The following TASP1 variants were observed in gnomAD, a reference collection of about 807,000 sequenced individuals.
The protein encoded by TASP1 is taspase 1.
Under a neutral mutation model 56.6 loss-of-function variants are expected in TASP1, and 16 were observed. The ratio of observed to expected loss-of-function variants is 0.28; its 90% CI spans 0.19 to 0.43. TASP1 has a LOEUF of 0.43. Ranked by LOEUF, TASP1 falls within the 20% of genes least tolerant of loss-of-function variation. The pLI is 1.00. For missense variants in TASP1, 393 were observed against 511.6 expected (o/e 0.77, Z 2.24); for synonymous variants, 179 against 184.2 (o/e 0.97, Z 0.23).
chr20:13,159,939 C>T, the TASP1 span: 1 of 1,432,864 alleles, frequency 7.0e-7, no homozygotes, highest in Non-Finnish European at 9.2e-7. Context: ...CCTTTTTTGT[C>T]AGGATAATTT....
At chr20:13,398,205 A>G (rs1315321606) in intron 13 of TASP1, among the ~76,000 whole-genome samples, 3 of 152,158 alleles carry the variant, frequency 2.0e-5, no homozygotes. Context: ...GAGGGGAAAA[A>G]TACAAACCAC....
At chr20:13,231,663 T>C in the TASP1 span, among the ~76,000 whole-genome samples, 1 of 152,206 alleles carries the variant, frequency 6.6e-6, no homozygotes, top group East Asian at 1.9e-4. Flanking sequence ...ATGCACATTT[T>C]AGTAAACCCA....
chr20:13,508,695 T>C (rs2044217359), intron 10 of TASP1, among the ~76,000 whole-genome samples: 1 of 152,096 alleles, frequency 6.6e-6, no homozygotes, highest in African/African-American at 2.4e-5. Context: ...AATAGGACAT[T>C]CTCCCAAAGA....
chr20:13,211,765 A>G, the TASP1 span, among the ~76,000 whole-genome samples: 44,913 of 152,066 alleles, frequency 0.3, 6,991 homozygotes, highest in African/African-American at 0.36. Context: ...CTCAGGTTAA[A>G]TAAAATAGTA....
At chr20:13,563,483 C>G (rs1265201519) in intron 7 of TASP1, among the ~76,000 whole-genome samples, 2 of 152,032 alleles carry the variant, frequency 1.3e-5, no homozygotes, top group Non-Finnish European at 2.9e-5. Context: ...CAACCAATAC[C>G]CCTTATGAAC....
intron 8 of TASP1, among the ~76,000 whole-genome samples, chr20:13,551,331 A>G (rs1257651174): frequency 1.3e-5 from 2 of 152,208 alleles, no homozygotes; most frequent in Non-Finnish European, 2.9e-5. Context: ...CACCAATGAA[A>G]TTAATTAAAA....
At chr20:13,336,329 T>C in the TASP1 span, among the ~76,000 whole-genome samples, 1 of 152,322 alleles carries the variant, frequency 6.6e-6, no homozygotes, top group Non-Finnish European at 1.5e-5. Context: ...AATAGCACAG[T>C]AGTGCATGCC....
intron 10 of TASP1, among the ~76,000 whole-genome samples, chr20:13,485,179 A>G (rs1175203929): frequency 2.0e-5 from 3 of 152,218 alleles, no homozygotes; most frequent in Non-Finnish European, 4.4e-5. Context: ...CTTCAAGGAA[A>G]AAAATGCCCT....
At chr20:13,263,550 A>G in the TASP1 span, among the ~76,000 whole-genome samples, 4 of 152,178 alleles carry the variant, frequency 2.6e-5, no homozygotes, top group African/African-American at 9.7e-5. Flanking sequence ...AAATGGCAAA[A>G]CTTTTGCTCT....
chr20:13,208,830 G>T, the TASP1 span, among the ~76,000 whole-genome samples: 1 of 152,184 alleles, frequency 6.6e-6, no homozygotes, highest in Non-Finnish European at 1.5e-5. Flanking sequence ...ACTGGGATTA[G>T]CCCAGATTGG....
the TASP1 span, among the ~76,000 whole-genome samples, chr20:13,207,760 A>T: frequency 1.3e-5 from 2 of 152,318 alleles, no homozygotes; most frequent in Non-Finnish European, 2.9e-5. Context: ...TCAAATGCTA[A>T]TCTCATAGAG....
At chr20:13,558,707 G>T (rs145766813) in intron 8 of TASP1, among the ~76,000 whole-genome samples, 2 of 152,062 alleles carry the variant, frequency 1.3e-5, no homozygotes, top group Non-Finnish European at 2.9e-5. Flanking sequence ...TACTAAAAAC[G>T]ATAATGTAAA....
chr20:13,478,168 G>A (rs532737175), intron 11 of TASP1, among the ~76,000 whole-genome samples: 2 of 152,054 alleles, frequency 1.3e-5, no homozygotes, highest in African/African-American at 4.8e-5. Flanking sequence ...TAGTTATAAT[G>A]ATTTAAAATT....
intron 9 of TASP1, among the ~76,000 whole-genome samples, chr20:13,529,623 C>T (rs1431010744): frequency 4.6e-5 from 7 of 152,046 alleles, no homozygotes. Context: ...GAAAGAGCTC[C>T]CAAACATATT....
chr20:13,620,426 C>T (rs2048672127), intron 4 of TASP1, among the ~76,000 whole-genome samples: 1 of 152,144 alleles, frequency 6.6e-6, no homozygotes, highest in Non-Finnish European at 1.5e-5. Context: ...CAGCCAGATA[C>T]ACTTTCTAGG....
At chr20:13,626,266 A>C (rs555993621) in intron 2 of TASP1, among the ~76,000 whole-genome samples, 1 of 152,154 alleles carries the variant, frequency 6.6e-6, no homozygotes, top group East Asian at 1.9e-4. Context: ...CTCTCCTAAA[A>C]ATACAAAAAA....
chr20:13,175,643 G>A, the TASP1 span, among the ~76,000 whole-genome samples: 2 of 152,182 alleles, frequency 1.3e-5, no homozygotes, highest in African/African-American at 2.4e-5. Flanking sequence ...CTGACCTCAC[G>A]AGTTTGGCAC....
intron 10 of TASP1, among the ~76,000 whole-genome samples, chr20:13,521,385 C>T (rs939269692): frequency 1.6e-4 from 25 of 152,080 alleles, no homozygotes. Context: ...AAATGTCCAA[C>T]AATGATAGAC....
chr20:13,412,171 G>A (rs1266369021), intron 13 of TASP1, among the ~76,000 whole-genome samples: 5 of 152,138 alleles, frequency 3.3e-5, no homozygotes, highest in African/African-American at 7.2e-5. Flanking sequence ...AAAAACTGGC[G>A]GTGGGTATAA....
Sources: gnomAD v4.1 joint callset for allele counts (sites outside exome capture counted in the v4.1 genomes callset) on GRCh38, gnomAD v4.1.1 for gene constraint, MANE v1.5 for transcripts, NCBI Gene and HGNC (gene_info 2026-07-23, HGNC 2026-07-21) for gene names.